Variants in TMTC1 observed in about 807,000 individuals in gnomAD.
TMTC1 encodes the protein transmembrane O-mannosyltransferase targeting cadherins 1.
In TMTC1, 73 loss-of-function variants were observed where a neutral mutation model predicts 104.8. The observed-to-expected ratio is 0.70, with a 90% CI of 0.58 to 0.85. The LOEUF (loss-of-function observed/expected upper bound fraction) is 0.85. Among genes scored for constraint, TMTC1 ranks in the 40% least tolerant of loss-of-function variants. The probability of loss-of-function intolerance (pLI) is 0.00; values close to 1 mark genes in which losing one functional copy is unlikely to be tolerated. For synonymous variants in TMTC1, 434 were observed against 428.7 expected (o/e 1.01, Z -0.15); for missense variants, 1,035 against 1,096.1 (o/e 0.94, Z 0.79).
At chr12:29,532,664 T>TAC (rs1243035894) in intron 11 of TMTC1, 3 of 111,396 alleles carry the variant, frequency 2.7e-5, no homozygotes, top group African/African-American at 9.9e-5. Context: ...GAGATGCATA[T>TAC]TAAAGAATGA....
In TMTC1 at chr12:29,590,833, G is replaced by T. The variant is rs1163835849; in HGVS notation, c.1251-7259C>A. 2.0e-5 allele frequency among the ~76,000 whole-genome samples: 3 copies of T among 152,176 alleles called. No homozygotes were observed. The East Asian group carries it at 5.8e-4, about 30-fold the overall frequency. On this transcript the variant is annotated intron_variant, in intron 7 of 17. Coordinates refer to ENST00000539277, the MANE Select transcript of TMTC1 (RefSeq NM_001193451.2). ...AAAACAAACTAAACAAAACCCACTT[G>T]TAACTGCTGCTAATTGGAGTGTGTA...
At chr12:29,635,448 A>G (rs563946900) in intron 5 of TMTC1, among the ~76,000 whole-genome samples, 59 of 152,336 alleles carry the variant, frequency 3.9e-4, no homozygotes, top group African/African-American at 1.3e-3. Context: ...CTTAAAAATG[A>G]CTTTAAAACT....
intron 9 of TMTC1, among the ~76,000 whole-genome samples, chr12:29,559,352 G>C (rs1945322269): frequency 6.6e-6 from 1 of 152,130 alleles, no homozygotes; most frequent in Non-Finnish European, 1.5e-5. Context: ...CCAACTTCCT[G>C]AATTTTATAT....
intron 6 of TMTC1, among the ~76,000 whole-genome samples, chr12:29,608,759 C>T (rs1440300621): frequency 7.2e-5 from 11 of 152,084 alleles, no homozygotes; most frequent in Non-Finnish European, 1.3e-4. Flanking sequence ...GAGGGTCGCT[C>T]AGTCACCATC....
chr12:29,628,382 C>T (rs1350413144), intron 6 of TMTC1, among the ~76,000 whole-genome samples: 1 of 152,154 alleles, frequency 6.6e-6, no homozygotes, highest in Non-Finnish European at 1.5e-5. Flanking sequence ...TGTTTTATTA[C>T]TCCTGTAAAC....
At chr12:29,628,200 CTTAA>C (rs1382277293) in intron 6 of TMTC1, among the ~76,000 whole-genome samples, 1 of 152,128 alleles carries the variant, frequency 6.6e-6, no homozygotes, top group African/African-American at 2.4e-5. Context: ...CTTATCTCAA[CTTAA>C]TTAGTGAACA....
intron 5 of TMTC1, among the ~76,000 whole-genome samples, chr12:29,736,938 G>A (rs772238137): frequency 3.0e-4 from 45 of 152,218 alleles, no homozygotes; most frequent in Non-Finnish European, 5.6e-4. Context: ...ACGAAGAGCA[G>A]CACAACCATC....
At position 29,706,461 on chromosome 12, in the gene TMTC1, A is replaced by G. The variant is rs569713580; in HGVS notation, c.938+45205T>C. On this transcript the variant is annotated intron_variant, in intron 5 of 17. Transcript: ENST00000539277. Reference sequence around the variant, plus strand: ...TCTTTGATCTAAAGTAATTAAAAGTATATCCTGGCTCCTGAATGAGCCACA... The same window carrying G: ...TCTTTGATCTAAAGTAATTAAAAGTGTATCCTGGCTCCTGAATGAGCCACA... Among the ~76,000 whole-genome samples the G allele has an allele frequency of 1.1e-4, 16 of 152,344 alleles. No homozygotes were observed. The South Asian group carries it at 3.1e-3, about 30-fold the overall frequency.
At chr12:29,650,957 A>G (rs1232050985) in intron 5 of TMTC1, among the ~76,000 whole-genome samples, 4 of 152,248 alleles carry the variant, frequency 2.6e-5, no homozygotes, top group African/African-American at 9.6e-5. Context: ...TTGTTGTTTC[A>G]AAAGAAAACA....
intron 10 of TMTC1, among the ~76,000 whole-genome samples, chr12:29,549,820 A>G (rs1306575293): frequency 1.3e-5 from 2 of 152,194 alleles, no homozygotes; most frequent in Admixed American, 6.5e-5. Flanking sequence ...AGATAACATA[A>G]AAGACCATAA....
intron 1 of TMTC1, among the ~76,000 whole-genome samples, chr12:29,774,475 T>C (rs1943664161): frequency 6.6e-6 from 1 of 151,092 alleles, no homozygotes; most frequent in Non-Finnish European, 1.5e-5. Context: ...AAATTAAAAG[T>C]AACCCTTTAT....
At chr12:29,770,063 C>T (rs935265978) in intron 1 of TMTC1, among the ~76,000 whole-genome samples, 8 of 151,852 alleles carry the variant, frequency 5.3e-5, no homozygotes, top group Middle Eastern at 3.4e-3. Flanking sequence ...CAAGCCAAAT[C>T]CTTGATAAAT....
intron 5 of TMTC1, among the ~76,000 whole-genome samples, chr12:29,682,471 A>G (rs1285903004): frequency 6.6e-6 from 1 of 152,232 alleles, no homozygotes; most frequent in East Asian, 1.9e-4. Context: ...GCAAAACTGA[A>G]AGAAAAAAAA....
intron 8 of TMTC1, among the ~76,000 whole-genome samples, chr12:29,582,594 CG>C (rs1429375532): frequency 6.6e-6 from 1 of 152,180 alleles, no homozygotes; most frequent in Non-Finnish European, 1.5e-5. Flanking sequence ...TTGGGTGTGC[CG>C]GGTTCTTCAC....
chr12:29,758,665 G>C, intron 3 of TMTC1, 39 bp downstream of exon 3: 1 of 1,589,810 alleles, frequency 6.3e-7, no homozygotes, highest in Non-Finnish European at 8.6e-7. Flanking sequence ...ACACGGCACA[G>C]TTGCGATCAC....
At chr12:29,572,542 C>T (rs1225123819) in intron 8 of TMTC1, among the ~76,000 whole-genome samples, 2 of 152,138 alleles carry the variant, frequency 1.3e-5, no homozygotes, top group Non-Finnish European at 1.5e-5. Flanking sequence ...AAGGCTCTGT[C>T]GCTCTTCCTG....
intron 5 of TMTC1, among the ~76,000 whole-genome samples, chr12:29,671,375 A>G (rs1442123470): frequency 6.6e-6 from 1 of 152,170 alleles, no homozygotes; most frequent in Non-Finnish European, 1.5e-5. Context: ...ATCACTACAA[A>G]AAAAGTCAAA....
At chr12:29,752,445 A>C (rs1461354959) in intron 4 of TMTC1, among the ~76,000 whole-genome samples, 1 of 152,216 alleles carries the variant, frequency 6.6e-6, no homozygotes, top group Non-Finnish European at 1.5e-5. Flanking sequence ...TTTCAGGAGC[A>C]ATGTCTCGGG....
chr12:29,643,610 ATAAT>A (rs1939006332), intron 5 of TMTC1, among the ~76,000 whole-genome samples: 1 of 37,022 alleles, frequency 2.7e-5, no homozygotes, highest in Non-Finnish European at 4.2e-5. Context: ...TATATTATAT[ATAAT>A]ATATATCTAT....
Sources: gnomAD v4.1 joint callset for allele counts (sites outside exome capture counted in the v4.1 genomes callset) on GRCh38, gnomAD v4.1.1 for gene constraint, MANE v1.5 for transcripts, NCBI Gene and HGNC (gene_info 2026-07-23, HGNC 2026-07-21) for gene names.